The following ZRANB3 variants were observed in gnomAD, a reference collection of about 807,000 sequenced individuals.
The protein encoded by ZRANB3 is DNA annealing helicase and endonuclease ZRANB3.
A neutral mutation model predicts 133.8 loss-of-function variants in ZRANB3; 125 were observed. The ratio of observed to expected loss-of-function variants is 0.93; its 90% CI spans 0.81 to 1.08. ZRANB3 has a LOEUF of 1.08. ZRANB3 is among the 50% of genes least tolerant of loss of function. The probability of loss-of-function intolerance (pLI) is 0.00; values close to 1 mark genes in which losing one functional copy is unlikely to be tolerated. For missense variants in ZRANB3, 1,229 were observed against 1,275.5 expected (o/e 0.96, Z 0.56); for synonymous variants, 387 against 432.7 (o/e 0.89, Z 1.31).
intron 2 of ZRANB3, among the ~76,000 whole-genome samples, chr2:135,426,973 A>T (rs1487005360): frequency 7.6e-5 from 11 of 144,772 alleles, no homozygotes; most frequent in African/African-American, 2.8e-4. Context: ...CCACATAATG[A>T]TCTCAATAGA....
chr2:135,530,993 C>G (rs1694568495), intron 1 of ZRANB3, 134 bp downstream of exon 1: 1 of 152,210 alleles, frequency 6.6e-6, no homozygotes, highest in Admixed American at 6.5e-5. Flanking sequence ...GTTTCAGAAC[C>G]CGTTAGCGCT....
At chr2:135,346,442 A>G (rs918032965) in intron 5 of ZRANB3, among the ~76,000 whole-genome samples, 5 of 152,158 alleles carry the variant, frequency 3.3e-5, no homozygotes, top group African/African-American at 1.2e-4. Context: ...ACAACTTCAT[A>G]TAACTGTGTG....
At chr2:135,347,356 G>A (rs1376621395) in intron 5 of ZRANB3, among the ~76,000 whole-genome samples, 11 of 149,872 alleles carry the variant, frequency 7.3e-5, no homozygotes, top group East Asian at 5.9e-4. Flanking sequence ...GCAGTGGTGC[G>A]ATCTCGGCTC....
chr2:135,390,838 A>G lies in ZRANB3; in HGVS notation c.162-18T>C, dbSNP rs1425835248. 7 of 1,519,910 alleles carry G rather than the reference A, an allele frequency of 4.6e-6. No homozygotes were observed. In the South Asian group the frequency reaches 7.7e-5, roughly 17 times the overall value. The allele number at this position is 1,519,910 out of a possible 1,614,324, so 94.2% of individuals were successfully genotyped here. On this transcript the variant is annotated intron_variant, in intron 2 of 20. Transcript: ENST00000264159. ...CCATACACCTGGAAAAAAAAAAAAA[A>G]AAAAATTAATTATCAGAGTGAACCT...
intron 6 of ZRANB3, among the ~76,000 whole-genome samples, chr2:135,344,235 T>C (rs1429384147): frequency 6.6e-6 from 1 of 152,168 alleles, no homozygotes; most frequent in Non-Finnish European, 1.5e-5. Context: ...TTTTCTAAAA[T>C]GAAGCGTTCG....
chr2:135,241,548 G>A (rs938705725), intron 12 of ZRANB3, among the ~76,000 whole-genome samples: 2 of 151,760 alleles, frequency 1.3e-5, no homozygotes, highest in African/African-American at 4.8e-5. Flanking sequence ...ACACTTGATC[G>A]TCCCTTCCTT....
intron 12 of ZRANB3, among the ~76,000 whole-genome samples, chr2:135,246,490 A>T (rs1022927058): frequency 6.6e-6 from 1 of 152,196 alleles, no homozygotes; most frequent in Admixed American, 6.5e-5. Context: ...AATAATTGCA[A>T]ACAGAATGCT....
rs140931540 is a variant in ZRANB3 at position 135,482,785 on chromosome 2, C to A, written c.161+21544G>T. Among the ~76,000 whole-genome samples the A allele has an allele frequency of 4.9e-3, 741 of 152,272 alleles. 4 individuals are homozygous for A. Among genetic ancestry groups the A allele is most frequent in the Admixed American group, 0.012 (188 of 15,286 alleles). ...AGATAGCTCTTATTATTTTGAAATA[C>A]GTTCCATCAGTACCTAATTTATTGA... is the stretch of plus-strand genomic sequence containing the variant. On this transcript the variant is annotated intron_variant, in intron 2 of 20. Transcript: ENST00000264159.
At chr2:135,412,285 G>T (rs568205090) in intron 2 of ZRANB3, among the ~76,000 whole-genome samples, 29 of 152,180 alleles carry the variant, frequency 1.9e-4, no homozygotes, top group African/African-American at 5.5e-4. Flanking sequence ...AGACAAAATG[G>T]TGTCACGTTA....
chr2:135,282,826 A>C (rs1681157897), intron 8 of ZRANB3, among the ~76,000 whole-genome samples: 1 of 152,224 alleles, frequency 6.6e-6, no homozygotes, highest in African/African-American at 2.4e-5. Flanking sequence ...AATCATTATC[A>C]ATCAATCTAT....
chr2:135,232,587 G>C (rs1695084096), intron 12 of ZRANB3, among the ~76,000 whole-genome samples: 1 of 152,184 alleles, frequency 6.6e-6, no homozygotes, highest in African/African-American at 2.4e-5. Context: ...GTACTCCTCT[G>C]AGACAAAACC....
chr2:135,370,814 T>C (rs1427843809), intron 3 of ZRANB3, among the ~76,000 whole-genome samples: 1 of 152,196 alleles, frequency 6.6e-6, no homozygotes, highest in Admixed American at 6.5e-5. Flanking sequence ...AATCTGCATG[T>C]GCCAAGGGTG....
At chr2:135,318,212 T>TTGTGTGTGTGTGTGTG (rs58455313) in intron 6 of ZRANB3, among the ~76,000 whole-genome samples, 3 of 136,886 alleles carry the variant, frequency 2.2e-5, no homozygotes, top group Admixed American at 7.4e-5. Context: ...ACACACTATT[T>TTGTGTGTGTGTGTGTG]TGTGTGTGTG....
At chr2:135,507,976 AAGAGAGAG>A (rs141612301) in intron 1 of ZRANB3, among the ~76,000 whole-genome samples, 186 of 151,890 alleles carry the variant, frequency 1.2e-3, no homozygotes, top group Non-Finnish European at 2.3e-3. Context: ...AGGGAAAGAA[AAGAGAGAG>A]AGAGAATAAC....
chr2:135,211,010 C>CAG (rs113103633), intron 17 of ZRANB3, among the ~76,000 whole-genome samples: 1 of 151,648 alleles, frequency 6.6e-6, no homozygotes, highest in Non-Finnish European at 1.5e-5. Flanking sequence ...GCCTGGGTGA[C>CAG]AGAGAGAGAC....
At chr2:135,215,778 A>G (rs1694278952) in intron 17 of ZRANB3, among the ~76,000 whole-genome samples, 1 of 152,160 alleles carries the variant, frequency 6.6e-6, no homozygotes, top group Non-Finnish European at 1.5e-5. Flanking sequence ...CTAGAGCAAG[A>G]TTTCTCAACA....
intron 3 of ZRANB3, among the ~76,000 whole-genome samples, chr2:135,357,144 T>C (rs764722889): frequency 1.1e-4 from 17 of 152,122 alleles, no homozygotes; most frequent in Admixed American, 6.6e-4. Context: ...TCACCAAGGG[T>C]GAAATGTAGT....
chr2:135,327,095 G>C (rs1683874444), intron 6 of ZRANB3, among the ~76,000 whole-genome samples: 1 of 151,842 alleles, frequency 6.6e-6, no homozygotes, highest in South Asian at 2.1e-4. Flanking sequence ...AGTACATGGG[G>C]GGTTCATTAT....
chr2:135,356,802 T>G (rs1476036092), intron 3 of ZRANB3, among the ~76,000 whole-genome samples: 1 of 151,848 alleles, frequency 6.6e-6, no homozygotes, highest in African/African-American at 2.4e-5. Context: ...CGATCTGGGC[T>G]CAAGCAATCC....
Sources: gnomAD v4.1 joint callset for allele counts (sites outside exome capture counted in the v4.1 genomes callset) on GRCh38, gnomAD v4.1.1 for gene constraint, MANE v1.5 for transcripts, NCBI Gene and HGNC (gene_info 2026-07-23, HGNC 2026-07-21) for gene names.